The following KCNAB2 variants were observed in gnomAD, a reference collection of about 807,000 sequenced individuals.
KCNAB2 encodes the protein potassium voltage-gated channel subfamily A regulatory beta subunit 2.
Under a neutral mutation model 63.6 loss-of-function variants are expected in KCNAB2, and 29 were observed. The observed-to-expected ratio is 0.46, with a 90% CI of 0.34 to 0.62. The LOEUF (loss-of-function observed/expected upper bound fraction) is 0.62. Among genes scored for constraint, KCNAB2 ranks in the 20% least tolerant of loss-of-function variants. The probability of loss-of-function intolerance (pLI) is 0.01; values close to 1 mark genes in which losing one functional copy is unlikely to be tolerated. For synonymous variants in KCNAB2, 222 were observed against 224.2 expected (o/e 0.99, Z 0.09); for missense variants, 359 against 563.9 (o/e 0.64, Z 3.68).
At chr1:6,041,955 G>T, upstream of KCNAB2, 5 of 1,252,738 alleles carry the variant, frequency 4.0e-6, no homozygotes, top group Non-Finnish European at 4.7e-6. Flanking sequence ...GCCGAGCAGG[G>T]TGTGCTGGTG....
rs539123437 is a variant in KCNAB2 at position 5,999,853 on chromosome 1, C to T, written c.-53+7065C>T. 4.6e-5 allele frequency among the ~76,000 whole-genome samples: 7 copies of T among 151,356 alleles called. No homozygotes were observed. In the East Asian group the frequency reaches 5.8e-4, roughly 13 times the overall value. On this transcript the variant is annotated intron_variant, in intron 1 of 16. Coordinates refer to the KCNAB2 transcript ENST00000341524. ...GTCTGTACCCCATGTGCGCCCCATC[C>T]GTACCCTGCCTGCGCCATCTGCGCC...
chr1:6,051,394 G>A, intron 1 of KCNAB2, 117 bp from the exon 2 acceptor site: 1 of 1,240,972 alleles, frequency 8.1e-7, no homozygotes, highest in South Asian at 1.8e-5. Context: ...CCAAGACCTG[G>A]TGGTGGCACT....
chr1:6,085,859 C>T (rs1025556344), intron 6 of KCNAB2: 2 of 987,488 alleles, frequency 2.0e-6, no homozygotes, highest in Non-Finnish European at 2.4e-6. Context: ...GTAAATCACC[C>T]ACCCAGCTCA....
Position 6,096,830 on chromosome 1 carries a change from G to C in KCNAB2, c.1069+74G>C. 6.9e-7 allele frequency: 1 copy of C among 1,458,960 alleles called. No homozygotes were observed. The highest frequency in any genetic ancestry group is 9.1e-7 in the Non-Finnish European group (1 of 1,094,976). The allele number at this position is 1,458,960 out of a possible 1,614,324, so 90.4% of individuals were successfully genotyped here. ...CCAGCTGGCCGTAGGTAACAGGGTG[G>C]GGTTGCCATGGGGCCAGTGTCTCCG... On this transcript the variant is annotated intron_variant, in intron 14 of 15. Coordinates refer to ENST00000378083, the MANE Select transcript of KCNAB2 (RefSeq NM_001199862.2). This position sits in a 1 kb window ranked among gnomAD's most constrained non-coding sequence, Gnocchi z 5.9.
intron 9 of KCNAB2, 150 bp downstream of exon 9, chr1:6,090,625 C>A: frequency 1.6e-6 from 1 of 619,462 alleles, no homozygotes; most frequent in Non-Finnish European, 2.9e-6. Context: ...GGCGAGGGGG[C>A]AGGCCTCCCC....
intron 5 of KCNAB2, among the ~76,000 whole-genome samples, chr1:6,083,281 G>A (rs1460836461): frequency 2.6e-5 from 4 of 152,238 alleles, no homozygotes; most frequent in Non-Finnish European, 5.9e-5. Context: ...GGCACCTCCC[G>A]TCCCGAGCCC....
At position 6,069,788 on chromosome 1, in the gene KCNAB2, C is replaced by T. The variant is rs181477268; in HGVS notation, c.219-2967C>T. Among the ~76,000 whole-genome samples, 2 of 152,222 alleles carry T rather than the reference C, an allele frequency of 1.3e-5. No homozygotes were observed. The highest frequency in any genetic ancestry group is 2.9e-5 in the Non-Finnish European group (2 of 68,046). On this transcript the variant is annotated intron_variant, in intron 2 of 15. Coordinates refer to ENST00000378083, the MANE Select transcript of KCNAB2 (RefSeq NM_001199862.2). The surrounding 1 kb of genome is among the most constrained non-coding windows in gnomAD (Gnocchi z 5.4). ...GAGGCCTGGCAGCGGATGGCAGAAC[C>T]AATACCATCATTTTCACAGGGAAAC... is the stretch of plus-strand genomic sequence containing the variant.
intron 1 of KCNAB2, among the ~76,000 whole-genome samples, chr1:6,000,361 T>TG (rs1657182629): frequency 6.6e-6 from 1 of 152,192 alleles, no homozygotes; most frequent in African/African-American, 2.4e-5. Context: ...AACCTCCCCG[T>TG]TCCGCAGGGA....
upstream of KCNAB2, among the ~76,000 whole-genome samples, chr1:6,042,866 A>G (rs111975226): frequency 1.2e-4 from 4 of 34,582 alleles, no homozygotes; most frequent in African/African-American, 4.7e-4. Context: ...TTTGCCAGCC[A>G]TAGCACCTCT....
At chr1:6,026,745 T>G (rs1262512049) in intron 1 of KCNAB2, among the ~76,000 whole-genome samples, 1 of 152,234 alleles carries the variant, frequency 6.6e-6, no homozygotes, top group Non-Finnish European at 1.5e-5. Context: ...CTCCCCTGGC[T>G]TCTGCCTTCA....
intron 1 of KCNAB2, among the ~76,000 whole-genome samples, chr1:6,016,659 G>A (rs1037819191): frequency 2.0e-5 from 3 of 152,240 alleles, no homozygotes; most frequent in Non-Finnish European, 2.9e-5. Flanking sequence ...CTGCTCACAC[G>A]CGGTGTGACT....
At chr1:6,093,682 G>C (rs915227832) in intron 10 of KCNAB2, among the ~76,000 whole-genome samples, 19 of 152,212 alleles carry the variant, frequency 1.2e-4, no homozygotes, top group African/African-American at 4.6e-4. Flanking sequence ...AGACCCCTGT[G>C]GCCCTGGGAC....
At chr1:5,998,358 G>A (rs566503982) in intron 1 of KCNAB2, among the ~76,000 whole-genome samples, 262 of 152,328 alleles carry the variant, frequency 1.7e-3, no homozygotes, top group African/African-American at 6.0e-3. Context: ...AGCCAGAATC[G>A]GGGCCTCTGG....
chr1:6,041,586 C>T (rs529639294), upstream of KCNAB2: 59 of 549,390 alleles, frequency 1.1e-4, no homozygotes, highest in African/African-American at 9.9e-4. Flanking sequence ...TGGAAGGAGC[C>T]CTTGGTGTCC....
At position 6,035,683 on chromosome 1, in the gene KCNAB2, C is replaced by G. The variant is rs899709878; in HGVS notation, c.-53+889C>G. On this transcript the variant is annotated intron_variant, in intron 1 of 15. Coordinates refer to the KCNAB2 transcript ENST00000164247. The surrounding 1 kb of genome is among the most constrained non-coding windows in gnomAD (Gnocchi z 5.0). ...GAGCTCAGTGTCTGACCCAGGAATC[C>G]GAGGCACACGTTCCCCACCCTCATA... Among the ~76,000 whole-genome samples the G allele has an allele frequency of 3.3e-5, 5 of 151,530 alleles. No individual in the cohort carries two copies. In the East Asian group the frequency reaches 9.8e-4, roughly 30 times the overall value.
At chr1:6,009,463 C>T (rs532522821) in intron 1 of KCNAB2, among the ~76,000 whole-genome samples, 175 of 152,322 alleles carry the variant, frequency 1.1e-3, no homozygotes, top group African/African-American at 4.1e-3. Flanking sequence ...AGATGCACGT[C>T]CCCTGTCTAG....
rs1016253086 is a variant in KCNAB2 at position 6,099,872 on chromosome 1, T to C, written c.*1298T>C. The C allele has an allele frequency of 3.2e-6, 5 of 1,549,840 alleles. No homozygotes were observed. The African/African-American group carries it at 4.1e-5, about 13-fold the overall frequency. ...GGCCAGAGTGACGCCCCCGTGCAGCTTGGGCCGGAGGGCAAGGGATGCCAG... is the reference window on the plus strand; with the variant it reads ...GGCCAGAGTGACGCCCCCGTGCAGCCTGGGCCGGAGGGCAAGGGATGCCAG... On this transcript the variant is annotated 3_prime_UTR_variant, in exon 16 of 16. Coordinates refer to ENST00000378083, the MANE Select transcript of KCNAB2 (RefSeq NM_001199862.2).
intron 10 of KCNAB2, 75 bp from the exon 11 acceptor site, chr1:6,094,325 A>G: frequency 9.1e-7 from 1 of 1,104,970 alleles, no homozygotes; most frequent in Non-Finnish European, 1.3e-6. Context: ...TCCTGCCTGT[A>G]TTTGCAGAAT....
At chr1:6,015,606 G>A (rs1378196069) in intron 1 of KCNAB2, among the ~76,000 whole-genome samples, 2 of 152,272 alleles carry the variant, frequency 1.3e-5, no homozygotes, top group Non-Finnish European at 2.9e-5. Context: ...GTCCGCTGAA[G>A]ACAGCTCCAG....
Sources: gnomAD v4.1 joint callset for allele counts (sites outside exome capture counted in the v4.1 genomes callset) on GRCh38, gnomAD v4.1.1 for gene constraint, Gnocchi (gnomAD v3.1) non-coding constraint, MANE v1.5 for transcripts, NCBI Gene and HGNC (gene_info 2026-07-23, HGNC 2026-07-21) for gene names.